Variants in EPB41L3 observed in about 807,000 individuals in gnomAD.
EPB41L3 encodes the protein erythrocyte membrane protein band 4.1 like 3.
Under a neutral mutation model 127.1 loss-of-function variants are expected in EPB41L3, and 57 were observed. That is an observed-to-expected ratio of 0.45 (90% CI 0.36 to 0.56). EPB41L3 has a LOEUF of 0.56. Among genes scored for constraint, EPB41L3 ranks in the 20% least tolerant of loss-of-function variants. EPB41L3 has a pLI of 0.00. For synonymous variants in EPB41L3, 572 were observed against 549.5 expected (o/e 1.04, Z -0.57); for missense variants, 1,273 against 1,372.2 (o/e 0.93, Z 1.14).
intron 3 of EPB41L3, among the ~76,000 whole-genome samples, chr18:5,552,105 TTGTAGAAGCCACTGGATGACA>T (rs1299812684): frequency 6.6e-6 from 1 of 152,272 alleles, no homozygotes; most frequent in African/African-American, 2.4e-5. Flanking sequence ...CCTGAAGTCC[TTGTAGAAGCCACTGGATGACA>T]TGTGCATGTG....
chr18:5,490,062 T>C (rs2090402111), intron 1 of EPB41L3, among the ~76,000 whole-genome samples: 1 of 152,244 alleles, frequency 6.6e-6, no homozygotes, highest in African/African-American at 2.4e-5. Context: ...ACACTGAACG[T>C]GATAATACCT....
chr18:5,505,681 C>T lies in EPB41L3; in HGVS notation c.-11-16487G>A, dbSNP rs1350818674. Among the ~76,000 whole-genome samples, 4 of 146,336 alleles carry T rather than the reference C, an allele frequency of 2.7e-5. No homozygotes were observed. The East Asian group carries it at 8.3e-4, about 30-fold the overall frequency. On this transcript the variant is annotated intron_variant, in intron 1 of 22. Transcript: ENST00000341928. The stretch of plus-strand genomic sequence containing the variant: ...CACCTTCACCTCCACCCCTACTCTC[C>T]ACTCCTTCACCTCCACCCCTTCCCT...
At chr18:5,427,068 A>T (rs1378154148) in intron 9 of EPB41L3, among the ~76,000 whole-genome samples, 1 of 151,984 alleles carries the variant, frequency 6.6e-6, no homozygotes, top group African/African-American at 2.4e-5. Flanking sequence ...CAGTGGTGTG[A>T]TCAAACTCAC....
chr18:5,482,468 C>T (rs1439673636), intron 2 of EPB41L3, among the ~76,000 whole-genome samples: 1 of 152,098 alleles, frequency 6.6e-6, no homozygotes, highest in Non-Finnish European at 1.5e-5. Flanking sequence ...AGGAAACTTT[C>T]CAAAACTCGT....
In EPB41L3 at chr18:5,423,238, G is replaced by C. The variant is rs57308947; in HGVS notation, c.1339+140C>G. On this transcript the variant is annotated intron_variant, in intron 11 of 22. Coordinates refer to ENST00000341928, the MANE Select transcript of EPB41L3 (RefSeq NM_012307.5). The stretch of plus-strand genomic sequence containing the variant: ...ATTTCGCTGGGGGAGACTTAAAAAT[G>C]TGCCATTCAGTCAATAAGCAACAAC... 3,232 of 807,760 alleles carry C rather than the reference G, an allele frequency of 4.0e-3. 80 individuals carry two copies. In the African/African-American group the frequency reaches 0.051, roughly 13 times the overall value. The allele number at this position is 807,760 out of a possible 1,614,324, so 50.0% of individuals were successfully genotyped here.
At chr18:5,506,136 A>T (rs1006406261) in intron 1 of EPB41L3, among the ~76,000 whole-genome samples, 2 of 151,836 alleles carry the variant, frequency 1.3e-5, no homozygotes, top group African/African-American at 4.8e-5. Context: ...CTGCTTGCCC[A>T]GTTACTCCAG....
At chr18:5,497,670 T>G (rs943794750) in intron 1 of EPB41L3, among the ~76,000 whole-genome samples, 2 of 152,224 alleles carry the variant, frequency 1.3e-5, no homozygotes, top group African/African-American at 2.4e-5. Context: ...AAATCATTCA[T>G]GAACCCGATA....
chr18:5,471,107 T>C (rs2086064753), intron 3 of EPB41L3, among the ~76,000 whole-genome samples: 1 of 152,144 alleles, frequency 6.6e-6, no homozygotes, highest in South Asian at 2.1e-4. Context: ...AGGAAGACAT[T>C]GATCAGGAGC....
intron 1 of EPB41L3, among the ~76,000 whole-genome samples, chr18:5,503,649 G>A (rs145897786): frequency 0.012 from 1,826 of 152,356 alleles, 14 homozygotes; most frequent in Middle Eastern, 0.031. Context: ...CTGAATAGCT[G>A]CATTTGAAGA....
At chr18:5,532,808 A>G (rs1027789761) in intron 1 of EPB41L3, among the ~76,000 whole-genome samples, 1 of 152,182 alleles carries the variant, frequency 6.6e-6, no homozygotes. Context: ...TGATCTGAGC[A>G]GCACGAAGGC....
chr18:5,602,410 G>A (rs982763750), intron 3 of EPB41L3, among the ~76,000 whole-genome samples: 6 of 152,184 alleles, frequency 3.9e-5, no homozygotes, highest in African/African-American at 1.4e-4. Flanking sequence ...AGGATCAATA[G>A]GGACTCCACA....
intron 1 of EPB41L3, 199 bp from the exon 2 acceptor site, chr18:5,489,393 T>C: frequency 1.9e-6 from 1 of 540,478 alleles, no homozygotes. Flanking sequence ...CACTCAAAAC[T>C]AACATTTATC....
At chr18:5,444,155 A>G (rs1300652678) in intron 4 of EPB41L3, among the ~76,000 whole-genome samples, 2 of 152,246 alleles carry the variant, frequency 1.3e-5, no homozygotes, top group Non-Finnish European at 2.9e-5. Flanking sequence ...AAGCTAGCAC[A>G]GAAAAAGAGG....
chr18:5,399,315 A>G (rs2074111097), intron 16 of EPB41L3: 1 of 398,950 alleles, frequency 2.5e-6, no homozygotes, highest in Non-Finnish European at 4.4e-6. Flanking sequence ...CTTGTAAGTC[A>G]CAATCTTTTT....
intron 1 of EPB41L3, among the ~76,000 whole-genome samples, chr18:5,536,517 T>A (rs1010800376): frequency 7.9e-4 from 117 of 147,790 alleles, no homozygotes; most frequent in Non-Finnish European, 1.1e-3. Flanking sequence ...AAAAAAAAAA[T>A]TTGGCCTGGT....
intron 14 of EPB41L3, 56 bp downstream of exon 14, chr18:5,410,509 AC>A: frequency 7.6e-7 from 1 of 1,323,650 alleles, no homozygotes; most frequent in Non-Finnish European, 1.1e-6. Context: ...ACACAGAGCC[AC>A]CCCACAAGGC....
At chr18:5,580,735 G>A (rs940610949) in intron 3 of EPB41L3, among the ~76,000 whole-genome samples, 8 of 152,046 alleles carry the variant, frequency 5.3e-5, no homozygotes, top group African/African-American at 1.2e-4. Flanking sequence ...TAGCTTTTCC[G>A]GCATTGCTCA....
At chr18:5,483,677 T>C (rs1326485274) in intron 2 of EPB41L3, among the ~76,000 whole-genome samples, 3 of 151,958 alleles carry the variant, frequency 2.0e-5, no homozygotes, top group East Asian at 1.9e-4. Flanking sequence ...GATGTAGCTA[T>C]ACTTATATAA....
intron 3 of EPB41L3, among the ~76,000 whole-genome samples, chr18:5,563,099 G>A (rs2094154423): frequency 6.6e-6 from 1 of 152,204 alleles, no homozygotes; most frequent in African/African-American, 2.4e-5. Flanking sequence ...GGCAGAGGAT[G>A]AGGGGAAGGG....
Sources: allele counts gnomAD v4.1 joint callset (sites outside exome capture counted in the v4.1 genomes callset), GRCh38; gene constraint gnomAD v4.1.1; transcripts MANE v1.5; gene names NCBI Gene and HGNC (gene_info 2026-07-23, HGNC 2026-07-21).